GALNT10: variants seen among roughly 807,000 people sequenced by gnomAD.
The protein encoded by GALNT10 is polypeptide N-acetylgalactosaminyltransferase 10.
GALNT10 carries 41 observed loss-of-function variants against 75.0 expected under a neutral mutation model. The observed-to-expected ratio is 0.55, with a 90% CI of 0.43 to 0.71. The LOEUF is 0.71. GALNT10 is among the 30% of genes least tolerant of loss of function. The pLI, the probability that GALNT10 is intolerant of heterozygous loss-of-function variation, is 0.00. For missense variants in GALNT10, 727 were observed against 818.5 expected (o/e 0.89, Z 1.36); for synonymous variants, 302 against 313.0 (o/e 0.96, Z 0.37).
Position 154,416,810 on chromosome 5 carries a change from G to T in GALNT10, c.1654-4G>T, listed in dbSNP as rs996329108. ...GTCTGGCTTATTACCTCCATGTTTT[G>T]TAGGACAAGACCCTGTACCACCCTG... is the stretch of plus-strand genomic sequence containing the variant. On this transcript the variant is annotated splice_region_variant and splice_polypyrimidine_tract_variant and intron_variant, in intron 11 of 11. Transcript: ENST00000297107. The surrounding 1 kb of genome is among the most constrained non-coding windows in gnomAD (Gnocchi z 4.5). 5 of 1,611,130 alleles carry T rather than the reference G, an allele frequency of 3.1e-6. No homozygotes were observed. Among genetic ancestry groups the T allele is most frequent in the African/African-American group, 1.3e-5 (1 of 74,846 alleles).
rs548184443 is a variant in GALNT10 at position 154,226,807 on chromosome 5, G to A, written c.159+35782G>A. 2.0e-5 allele frequency among the ~76,000 whole-genome samples: 3 copies of A among 151,858 alleles called. No individual in the cohort carries two copies. In the South Asian group the frequency reaches 6.2e-4, roughly 32 times the overall value. On this transcript the variant is annotated intron_variant, in intron 1 of 11. Coordinates refer to ENST00000297107, the MANE Select transcript of GALNT10 (RefSeq NM_198321.4). Reference sequence around the variant, plus strand: ...ATCCATCATCCCCTAGAATTTCCTCGTGTCCCTTTGCATTTGTAACCTCTC... The same window carrying A: ...ATCCATCATCCCCTAGAATTTCCTCATGTCCCTTTGCATTTGTAACCTCTC...
At chr5:154,254,758 C>T (rs73802972) in intron 1 of GALNT10, among the ~76,000 whole-genome samples, 27,386 of 152,072 alleles carry the variant, frequency 0.18, 2,644 homozygotes, top group African/African-American at 0.22. Context: ...AATTAGCATA[C>T]TTTTGGCTGC....
chr5:154,250,716 G>C (rs1753504363), intron 1 of GALNT10, among the ~76,000 whole-genome samples: 1 of 152,146 alleles, frequency 6.6e-6, no homozygotes, highest in Non-Finnish European at 1.5e-5. Flanking sequence ...AATCCTTGTT[G>C]AGAAACATTT....
intron 8 of GALNT10, among the ~76,000 whole-genome samples, chr5:154,406,712 G>A (rs188510364): frequency 1.3e-5 from 2 of 152,294 alleles, no homozygotes; most frequent in African/African-American, 4.8e-5. Flanking sequence ...CAGGAGAATG[G>A]CTTGAACCCG....
intron 1 of GALNT10, among the ~76,000 whole-genome samples, chr5:154,215,175 A>G (rs1752846174): frequency 6.6e-6 from 1 of 152,246 alleles, no homozygotes; most frequent in Non-Finnish European, 1.5e-5. Flanking sequence ...AGTCCTCTCT[A>G]TAGTTGCCTT....
chr5:154,216,940 ATCCTCCAGTGTG>A (rs780792220), intron 1 of GALNT10, among the ~76,000 whole-genome samples: 11 of 151,898 alleles, frequency 7.2e-5, no homozygotes, highest in Non-Finnish European at 8.8e-5. Flanking sequence ...CTCCTCTCCT[ATCCTCCAGTGTG>A]AGAAATGCTT....
intron 7 of GALNT10, among the ~76,000 whole-genome samples, chr5:154,395,235 A>G (rs758804453): frequency 2.6e-5 from 4 of 152,266 alleles, no homozygotes; most frequent in South Asian, 4.1e-4. Flanking sequence ...GAGGCACTCA[A>G]TAAGTGGCAG....
intron 7 of GALNT10, among the ~76,000 whole-genome samples, chr5:154,399,002 GGTACCA>G (rs894334667): frequency 6.6e-6 from 1 of 152,160 alleles, no homozygotes; most frequent in African/African-American, 2.4e-5. Flanking sequence ...CTAAGAGCCA[GGTACCA>G]AGCTAAGAGC....
Position 154,376,362 on chromosome 5 carries a change from A to G in GALNT10, c.654A>G (p.Ile218Met). ...GAACCAAGAAACGGGAAGGGCTGAT[A>G]AGGACCCGAATGCTGGGGGCCTCAG... ...ILRTKKREGLIRTRMLGASVA... is the reference protein window; with the variant it reads ...ILRTKKREGLMRTRMLGASVA... Residue 218 changes from isoleucine to methionine, a missense_variant, in exon 5 of 12, where the codon ATA becomes ATG. Coordinates refer to ENST00000297107, the MANE Select transcript of GALNT10 (RefSeq NM_198321.4). The surrounding 1 kb of genome is among the most constrained non-coding windows in gnomAD (Gnocchi z 4.1). 1 of 1,611,192 alleles carries G rather than the reference A, an allele frequency of 6.2e-7. No individual in the cohort carries two copies. The highest frequency in any genetic ancestry group is 8.5e-7 in the Non-Finnish European group (1 of 1,178,622).
intron 1 of GALNT10, among the ~76,000 whole-genome samples, chr5:154,224,805 G>T (rs1374122776): frequency 2.8e-5 from 4 of 140,988 alleles, no homozygotes; most frequent in Non-Finnish European, 4.6e-5. Flanking sequence ...TTTTGAGATG[G>T]AGTCTCGCTC....
At chr5:154,278,645 A>G (rs1561648329) in intron 1 of GALNT10, among the ~76,000 whole-genome samples, 1 of 152,204 alleles carries the variant, frequency 6.6e-6, no homozygotes, top group Non-Finnish European at 1.5e-5. Context: ...TGTAACCATT[A>G]CCACTATCTA....
At chr5:154,294,679 AT>A in intron 1 of GALNT10, 136 bp from the exon 2 acceptor site, 1 of 529,602 alleles carries the variant, frequency 1.9e-6, no homozygotes, top group African/African-American at 1.9e-5. Flanking sequence ...CAACAAAGGT[AT>A]GCTGAGGGAG....
intron 4 of GALNT10, among the ~76,000 whole-genome samples, chr5:154,331,283 G>A (rs1305035053): frequency 6.6e-6 from 1 of 152,072 alleles, no homozygotes; most frequent in Non-Finnish European, 1.5e-5. Flanking sequence ...AGTAAGCCTT[G>A]AGCACACTAT....
intron 1 of GALNT10, among the ~76,000 whole-genome samples, chr5:154,221,888 T>C (rs1752985031): frequency 6.6e-6 from 1 of 152,236 alleles, no homozygotes; most frequent in Non-Finnish European, 1.5e-5. Context: ...CTTGCTTACT[T>C]TGCCAGTGGA....
chr5:154,386,663 C>G, intron 7 of GALNT10: 1 of 595,684 alleles, frequency 1.7e-6, no homozygotes, highest in Non-Finnish European at 3.0e-6. Context: ...GTCCTCACCA[C>G]AGCTCTGACT....
At chr5:154,212,641 G>C (rs1305410881) in intron 1 of GALNT10, among the ~76,000 whole-genome samples, 1 of 152,202 alleles carries the variant, frequency 6.6e-6, no homozygotes, top group African/African-American at 2.4e-5. Flanking sequence ...GCTTGTAAGT[G>C]AGTGAGTTAC....
intron 1 of GALNT10, among the ~76,000 whole-genome samples, chr5:154,266,151 A>G (rs1419617182): frequency 6.6e-6 from 1 of 152,192 alleles, no homozygotes; most frequent in Non-Finnish European, 1.5e-5. Flanking sequence ...AATATCGAGC[A>G]TTAGGGAATA....
intron 1 of GALNT10, among the ~76,000 whole-genome samples, chr5:154,214,689 C>G (rs11742095): frequency 6.6e-6 from 1 of 152,078 alleles, no homozygotes; most frequent in Non-Finnish European, 1.5e-5. Context: ...TACAAAGTGA[C>G]GGGAAGGGAT....
At chr5:154,313,321 G>A (rs537491885) in intron 3 of GALNT10, among the ~76,000 whole-genome samples, 2 of 150,624 alleles carry the variant, frequency 1.3e-5, no homozygotes, top group Non-Finnish European at 3.0e-5. Flanking sequence ...AAAAAAAAAG[G>A]TACTGTTTTT....
Sources: gnomAD v4.1 joint callset for allele counts (sites outside exome capture counted in the v4.1 genomes callset) on GRCh38, gnomAD v4.1.1 for gene constraint, Gnocchi (gnomAD v3.1) non-coding constraint, MANE v1.5 for transcripts, NCBI Gene and HGNC (gene_info 2026-07-23, HGNC 2026-07-21) for gene names.